KYNU: variants seen among roughly 807,000 people sequenced by gnomAD.
KYNU encodes the protein kynureninase, also known as L-kynurenine hydrolase.
A neutral mutation model predicts 59.2 loss-of-function variants in KYNU; 54 were observed. The observed-to-expected ratio is 0.91, with a 90% confidence interval of 0.73 to 1.14. The LOEUF is 1.14. Among genes scored for constraint, KYNU ranks in the 50% most tolerant of loss-of-function variants. The pLI is 0.00. For missense variants in KYNU, 567 were observed against 554.4 expected (o/e 1.02, Z -0.23); for synonymous variants, 177 against 192.0 (o/e 0.92, Z 0.65).
chr2:142,885,597 G>T, intron 2 of KYNU, 61 bp downstream of exon 2: 1 of 1,344,848 alleles, frequency 7.4e-7, no homozygotes, highest in Non-Finnish European at 1.0e-6. Flanking sequence ...TACTGCATGT[G>T]TTTATTATAA....
rs1687345675 is a variant in KYNU, at chr2:143,055,826, A to G, written c.*13654A>G. 1 of 152,198 alleles carries G rather than the reference A, an allele frequency of 6.6e-6. No individual in the cohort carries two copies. Among genetic ancestry groups the G allele is most frequent in the Admixed American group, 6.5e-5 (1 of 15,268 alleles). The allele number at this position is 152,198 out of a possible 1,614,324, so 9.4% of individuals were successfully genotyped here. A position where few individuals can be genotyped will look rare whatever the true frequency, so the allele number is the denominator to read the frequency against. On this transcript the variant is annotated 3_prime_UTR_variant, in exon 14 of 14. Transcript: ENST00000264170. ...GTTGGAAAATTTAATAAAAACAATG[A>G]ACAGTGATGACTTCGGTGAGAATTT...
At chr2:142,939,682 A>G (rs1683526108) in intron 4 of KYNU, among the ~76,000 whole-genome samples, 1 of 152,126 alleles carries the variant, frequency 6.6e-6, no homozygotes, top group East Asian at 1.9e-4. Context: ...CCGTTCTATG[A>G]CAAATACCGA....
rs537585948 is a variant in KYNU at position 143,033,399 on chromosome 2, T to C, written c.1041+78T>C. 1.0e-4 allele frequency: 100 copies of C among 1,002,378 alleles called. No individual in the cohort carries two copies. The African/African-American group carries it at 1.3e-3, about 13-fold the overall frequency. 62.1% of individuals were successfully genotyped at this position (1,002,378 alleles called of 1,614,324 possible). A position where few individuals can be genotyped will look rare whatever the true frequency, so the allele number is the denominator to read the frequency against. ...GTTTGTGACAATTCATAGTACTTTC[T>C]CTGCTACACAGCAAGATGATACATG... On this transcript the variant is annotated intron_variant, in intron 12 of 13. Coordinates refer to ENST00000264170, the MANE Select transcript of KYNU (RefSeq NM_003937.3).
At chr2:143,012,078 A>C (rs1460518024) in intron 10 of KYNU, among the ~76,000 whole-genome samples, 1 of 151,034 alleles carries the variant, frequency 6.6e-6, no homozygotes, top group Non-Finnish European at 1.5e-5. Flanking sequence ...AAAAAAAAAA[A>C]GAAAATACAC....
chr2:142,892,530 A>G (rs115793250), intron 2 of KYNU, among the ~76,000 whole-genome samples: 2,452 of 152,352 alleles, frequency 0.016, 64 homozygotes, highest in African/African-American at 0.056. Flanking sequence ...TAGGGAATAT[A>G]GGGTACTAGG....
intron 4 of KYNU, among the ~76,000 whole-genome samples, chr2:142,936,459 G>C (rs1683393633): frequency 6.6e-6 from 1 of 152,150 alleles, no homozygotes; most frequent in Non-Finnish European, 1.5e-5. Context: ...AGAGGACCAA[G>C]AATTTCCCAT....
chr2:142,977,372 G>GAGAT (rs1553484697), intron 8 of KYNU, among the ~76,000 whole-genome samples: 1 of 131,150 alleles, frequency 7.6e-6, no homozygotes, highest in Non-Finnish European at 1.7e-5. Context: ...ATTTTGTGTG[G>GAGAT]ATATATATAT....
At chr2:142,902,309 A>G (rs1401053333) in intron 2 of KYNU, among the ~76,000 whole-genome samples, 1 of 152,196 alleles carries the variant, frequency 6.6e-6, no homozygotes, top group African/African-American at 2.4e-5. Flanking sequence ...TTTGTGACAT[A>G]TGAAGAAAAG....
At chr2:142,949,528 A>C (rs534329286) in intron 4 of KYNU, among the ~76,000 whole-genome samples, 1 of 152,326 alleles carries the variant, frequency 6.6e-6, no homozygotes, top group South Asian at 2.1e-4. Context: ...GGAAGCTGCC[A>C]AGGCTTGAGG....
At chr2:142,917,970 C>T (rs1190415191) in intron 2 of KYNU, among the ~76,000 whole-genome samples, 3 of 152,086 alleles carry the variant, frequency 2.0e-5, no homozygotes, top group African/African-American at 7.2e-5. Context: ...TTCTGGACTA[C>T]GTCTTAAGCA....
At chr2:143,038,152 A>C (rs1686939017) in intron 12 of KYNU, among the ~76,000 whole-genome samples, 1 of 152,186 alleles carries the variant, frequency 6.6e-6, no homozygotes, top group African/African-American at 2.4e-5. Context: ...ACTATCATTA[A>C]ATGTGATACT....
intron 10 of KYNU, among the ~76,000 whole-genome samples, chr2:142,991,382 A>AG (rs1685394100): frequency 6.6e-6 from 1 of 151,912 alleles, no homozygotes; most frequent in African/African-American, 2.4e-5. Context: ...AAGATGTGTG[A>AG]CTTCACAACA....
intron 10 of KYNU, chr2:142,989,351 G>A (rs976638671): frequency 1.1e-4 from 115 of 1,001,762 alleles, no homozygotes; most frequent in Non-Finnish European, 1.4e-4. Context: ...GAGCTTTAGA[G>A]AGACCAAAGA....
Position 143,042,614 on chromosome 2 carries a change from A to ATGTGTGTG in KYNU, c.*443_*444insGTGTGTGT, listed in dbSNP as rs1271154119. 2 of 29,976 alleles carry ATGTGTGTG rather than the reference A, an allele frequency of 6.7e-5. No individual in the cohort carries two copies. The highest frequency in any genetic ancestry group is 4.2e-4 in the Admixed American group (1 of 2,386). The allele number at this position is 29,976 out of a possible 1,614,324, so 1.9% of individuals were successfully genotyped here. Reference sequence around the variant, plus strand: ...TATATATATATATATATATATATATATATATATATATATATATGTGTGTGT... The same window carrying ATGTGTGTG: ...TATATATATATATATATATATATATATGTGTGTGTATATATATATATATATGTGTGTGT... On this transcript the variant is annotated 3_prime_UTR_variant, in exon 14 of 14. Transcript: ENST00000264170.
intron 2 of KYNU, among the ~76,000 whole-genome samples, chr2:142,886,280 T>A (rs188125832): frequency 1.3e-5 from 2 of 152,358 alleles, no homozygotes; most frequent in African/African-American, 4.8e-5. Flanking sequence ...GATTCCATTT[T>A]TATTCAGATT....
At chr2:142,925,549 AAG>A (rs1303836703) in intron 3 of KYNU, among the ~76,000 whole-genome samples, 1 of 152,202 alleles carries the variant, frequency 6.6e-6, no homozygotes, top group Non-Finnish European at 1.5e-5. Context: ...GGAATCCTTT[AAG>A]GTCCATATTG....
At chr2:142,902,401 A>G (rs1682130251) in intron 2 of KYNU, among the ~76,000 whole-genome samples, 1 of 152,160 alleles carries the variant, frequency 6.6e-6, no homozygotes, top group Admixed American at 6.5e-5. Context: ...TTGCTTTAGG[A>G]GTCCATTTTA....
At chr2:142,959,758 G>GA (rs11454554) in intron 7 of KYNU, among the ~76,000 whole-genome samples, 41,518 of 151,796 alleles carry the variant, frequency 0.27, 8,931 homozygotes, top group African/African-American at 0.58. Flanking sequence ...AAGATATAAG[G>GA]AAAAAACCCT....
In KYNU at chr2:143,052,865, G is replaced by A. The variant is rs1462926596; in HGVS notation, c.*10693G>A. The A allele has an allele frequency of 6.6e-6, 1 of 152,370 alleles. No homozygotes were observed. Among genetic ancestry groups the A allele is most frequent in the African/African-American group, 2.4e-5 (1 of 41,456 alleles). 9.4% of individuals were successfully genotyped at this position (152,370 alleles called of 1,614,324 possible). A position where few individuals can be genotyped will look rare whatever the true frequency, so the allele number is the denominator to read the frequency against. The stretch of plus-strand genomic sequence containing the variant: ...ACCACCTAGTGGAGCTTTGAGAAGA[G>A]GGCCACTGTCCTCCAGAACTCAGGA... On this transcript the variant is annotated 3_prime_UTR_variant, in exon 14 of 14. Coordinates refer to ENST00000264170, the MANE Select transcript of KYNU (RefSeq NM_003937.3).
Sources: gnomAD v4.1 joint callset for allele counts (sites outside exome capture counted in the v4.1 genomes callset) on GRCh38, gnomAD v4.1.1 for gene constraint, MANE v1.5 for transcripts, NCBI Gene and HGNC (gene_info 2026-07-23, HGNC 2026-07-21) for gene names.